PCDH15: variants seen among roughly 807,000 people sequenced by gnomAD.
The protein encoded by PCDH15 is protocadherin related 15.
A neutral mutation model predicts 178.5 loss-of-function variants in PCDH15; 129 were observed. The observed-to-expected ratio is 0.72, with a 90% CI of 0.63 to 0.84. The LOEUF (loss-of-function observed/expected upper bound fraction) is 0.84, where lower values mean the gene tolerates loss of function less well. Among genes scored for constraint, PCDH15 ranks in the 40% least tolerant of loss-of-function variants. The probability of loss-of-function intolerance (pLI) is 0.00; values close to 1 mark genes in which losing one functional copy is unlikely to be tolerated. For missense variants in PCDH15, 2,230 were observed against 2,099.9 expected (o/e 1.06, Z -1.21); for synonymous variants, 800 against 732.0 (o/e 1.09, Z -1.50).
At chr10:54,822,940 G>A (rs1953071092) in intron 3 of PCDH15, among the ~76,000 whole-genome samples, 1 of 151,854 alleles carries the variant, frequency 6.6e-6, no homozygotes, top group Non-Finnish European at 1.5e-5. Context: ...GGAGTGCAGT[G>A]GCAAAATCTC....
intron 2 of PCDH15, 95 bp from the exon 3 acceptor site, chr10:54,527,972 G>T: frequency 1.0e-6 from 1 of 981,068 alleles, no homozygotes; most frequent in Non-Finnish European, 1.6e-6. Flanking sequence ...ATTTAAAAAG[G>T]AAAATCTTGC....
intron 2 of PCDH15, among the ~76,000 whole-genome samples, chr10:55,036,648 G>T (rs1840743228): frequency 6.6e-6 from 1 of 152,084 alleles, no homozygotes; most frequent in Non-Finnish European, 1.5e-5. Context: ...CTTGACTTTT[G>T]CTGCATTCAG....
At chr10:54,056,789 A>C in intron 18 of PCDH15, among the ~76,000 whole-genome samples, 1 of 152,278 alleles carries the variant, frequency 6.6e-6, no homozygotes, top group East Asian at 1.9e-4. Context: ...GTCTTATCTC[A>C]GACACAGCTA....
intron 8 of PCDH15, among the ~76,000 whole-genome samples, chr10:54,237,903 T>C (rs578047637): frequency 2.2e-4 from 33 of 152,220 alleles, no homozygotes; most frequent in Non-Finnish European, 4.3e-4. Context: ...GACTTAATTA[T>C]GCTAATCTGC....
At chr10:54,723,404 G>C (rs1369181259) in intron 1 of PCDH15, among the ~76,000 whole-genome samples, 1 of 151,506 alleles carries the variant, frequency 6.6e-6, no homozygotes, top group Non-Finnish European at 1.5e-5. Context: ...AAGTCAAAGT[G>C]GATTAAAGAC....
At chr10:53,967,393 T>C (rs926283925) in intron 21 of PCDH15, among the ~76,000 whole-genome samples, 4 of 152,166 alleles carry the variant, frequency 2.6e-5, no homozygotes, top group African/African-American at 9.7e-5. Context: ...AATGGATTAA[T>C]ACATAGCTGG....
Position 54,054,774 on chromosome 10 carries a change from T to C in PCDH15, c.2220+11983A>G, listed in dbSNP as rs867550603. ...TAGATTTCTATTGTAAATATTATTA[T>C]GTAGCACATTTATATTGACATAACC... On this transcript the variant is annotated intron_variant, in intron 18 of 37. Coordinates refer to ENST00000644397, the MANE Select transcript of PCDH15 (RefSeq NM_001384140.1). Among the ~76,000 whole-genome samples the C allele has an allele frequency of 3.3e-5, 5 of 152,170 alleles. No individual in the cohort carries two copies. The South Asian group carries it at 6.2e-4, about 19-fold the overall frequency.
chr10:54,087,120 C>T (rs1429528135), intron 16 of PCDH15, among the ~76,000 whole-genome samples: 1 of 152,138 alleles, frequency 6.6e-6, no homozygotes, highest in Non-Finnish European at 1.5e-5. Context: ...CAGGTGAAAA[C>T]TTCATTGTTG....
At chr10:54,802,134 C>G (rs1162050283), upstream of PCDH15, among the ~76,000 whole-genome samples, 1 of 152,130 alleles carries the variant, frequency 6.6e-6, no homozygotes, top group East Asian at 1.9e-4. Flanking sequence ...CTATCACAGA[C>G]AAAAGCCCCA....
At chr10:54,706,693 G>T (rs1027910111) in intron 1 of PCDH15, among the ~76,000 whole-genome samples, 1 of 152,012 alleles carries the variant, frequency 6.6e-6, no homozygotes, top group Non-Finnish European at 1.5e-5. Flanking sequence ...GCGCGATCTC[G>T]GCTCATTGCA....
chr10:53,977,055 G>GTTACA (rs1277110248), intron 21 of PCDH15, among the ~76,000 whole-genome samples: 2 of 151,758 alleles, frequency 1.3e-5, no homozygotes, highest in African/African-American at 2.4e-5. Flanking sequence ...CCTGCATGTA[G>GTTACA]TTACATTTCT....
intron 14 of PCDH15, 40 bp downstream of exon 14, chr10:54,153,060 G>C: frequency 6.2e-7 from 1 of 1,606,396 alleles, no homozygotes; most frequent in Non-Finnish European, 8.5e-7. Flanking sequence ...GGGTTAAACG[G>C]GCCCGATGAA....
At chr10:54,468,369 A>G (rs1347740020) in intron 3 of PCDH15, among the ~76,000 whole-genome samples, 1 of 151,272 alleles carries the variant, frequency 6.6e-6, no homozygotes, top group South Asian at 2.1e-4. Flanking sequence ...TTCAATTTTC[A>G]TTTGTTTCAA....
chr10:54,734,583 T>C (rs1360831589), intron 1 of PCDH15, among the ~76,000 whole-genome samples: 1 of 151,990 alleles, frequency 6.6e-6, no homozygotes, highest in East Asian at 1.9e-4. Context: ...AAACTTATGA[T>C]CACTCAGAAA....
At chr10:55,346,798 C>T (rs1238016020) in intron 2 of PCDH15, among the ~76,000 whole-genome samples, 1 of 151,418 alleles carries the variant, frequency 6.6e-6, no homozygotes, top group African/African-American at 2.4e-5. Context: ...TGATGTAGGT[C>T]CACCTTGGCT....
At chr10:54,684,899 G>A (rs1370371024) in intron 1 of PCDH15, among the ~76,000 whole-genome samples, 1 of 151,750 alleles carries the variant, frequency 6.6e-6, no homozygotes, top group African/African-American at 2.4e-5. Flanking sequence ...ACTAACTTTA[G>A]CTTACTGTTG....
chr10:55,140,276 T>C lies in PCDH15; in HGVS notation c.-80+26300A>G, dbSNP rs141050098. Among the ~76,000 whole-genome samples, 31 of 152,038 alleles carry C rather than the reference T, an allele frequency of 2.0e-4. 1 individual carries two copies. The highest frequency in any genetic ancestry group is 7.0e-4 in the African/African-American group (29 of 41,554). ...TTGGTACTATGTTGCATGAAAGTAT[T>C]AAAAGGAAACATTCTTATTTTATGT... On this transcript the variant is annotated intron_variant, in intron 2 of 5. Coordinates refer to the PCDH15 transcript ENST00000458638.
At chr10:54,663,604 C>T (rs1481297280) in intron 2 of PCDH15, among the ~76,000 whole-genome samples, 1 of 150,894 alleles carries the variant, frequency 6.6e-6, no homozygotes, top group Non-Finnish European at 1.5e-5. Context: ...TCTAAAATGA[C>T]TGACTTACTG....
chr10:54,646,960 A>G lies in PCDH15; in HGVS notation c.91+17212T>C, dbSNP rs555143512. Among the ~76,000 whole-genome samples, 10 of 152,192 alleles carry G rather than the reference A, an allele frequency of 6.6e-5. No individual in the cohort carries two copies. The South Asian group carries it at 1.7e-3, about 25-fold the overall frequency. On this transcript the variant is annotated intron_variant, in intron 2 of 37. Transcript: ENST00000644397. ...TTTAATAAACTGAAAATAGAACTAC[A>G]ATATGATCCATGAATCCTACTTCTA...
Sources: gnomAD v4.1 joint callset for allele counts (sites outside exome capture counted in the v4.1 genomes callset) on GRCh38, gnomAD v4.1.1 for gene constraint, MANE v1.5 for transcripts, NCBI Gene and HGNC (gene_info 2026-07-23, HGNC 2026-07-21) for gene names.